The following TTLL5 variants were observed in gnomAD, a reference collection of about 807,000 sequenced individuals.
TTLL5 encodes the protein tubulin polyglutamylase TTLL5.
In TTLL5, 132 loss-of-function variants were observed where a neutral mutation model predicts 168.4. The ratio of observed to expected loss-of-function variants is 0.78; its 90% CI spans 0.68 to 0.91. The LOEUF is 0.91. Among genes scored for constraint, TTLL5 ranks in the 40% least tolerant of loss-of-function variants. The pLI is 0.00. For missense variants in TTLL5, 1,545 were observed against 1,581.5 expected (o/e 0.98, Z 0.39); for synonymous variants, 546 against 558.6 (o/e 0.98, Z 0.32).
At chr14:75,873,603 T>G (rs1034233358) in intron 29 of TTLL5, among the ~76,000 whole-genome samples, 1 of 152,360 alleles carries the variant, frequency 6.6e-6, no homozygotes, top group South Asian at 2.1e-4. Flanking sequence ...TAAGGCTGAA[T>G]AACATTTCAT....
At chr14:75,908,266 G>A (rs890619066) in intron 31 of TTLL5, among the ~76,000 whole-genome samples, 11 of 152,374 alleles carry the variant, frequency 7.2e-5, no homozygotes, top group Admixed American at 7.2e-4. Context: ...TGTCACTGCT[G>A]GGAAGCTGCA....
At chr14:75,749,754 T>C (rs1327516033) in intron 17 of TTLL5, among the ~76,000 whole-genome samples, 1 of 152,158 alleles carries the variant, frequency 6.6e-6, no homozygotes, top group Admixed American at 6.5e-5. Flanking sequence ...TTACATAGAA[T>C]GTGGGAGGTA....
In TTLL5 at chr14:75,766,267, T is replaced by C. The variant is rs1890965810; in HGVS notation, c.1914T>C (p.Arg638=). The C allele has an allele frequency of 3.7e-6, 6 of 1,614,064 alleles. No homozygotes were observed. Among genetic ancestry groups the C allele is most frequent in the Non-Finnish European group, 5.1e-6 (6 of 1,179,984 alleles). The change falls in exon 20 of 32, where the codon CGT becomes CGC. Residue 638 remains arginine (R), a synonymous_variant. Transcript: ENST00000298832. ...NTPKENSMKV[R]EWNNKGGHCC... ...CCAAAGAAAATTCCATGAAAGTTCG[T>C]GAATGGAATAATAAAGGTGGACACT...
intron 28 of TTLL5, among the ~76,000 whole-genome samples, chr14:75,830,453 C>G (rs1335214182): frequency 6.6e-6 from 1 of 152,154 alleles, no homozygotes; most frequent in Non-Finnish European, 1.5e-5. Context: ...TCTCAGCACA[C>G]ACAAAAATAT....
At chr14:75,811,591 C>T (rs538500162) in intron 27 of TTLL5, among the ~76,000 whole-genome samples, 2 of 152,252 alleles carry the variant, frequency 1.3e-5, no homozygotes, top group East Asian at 3.9e-4. Context: ...TCCAACATGG[C>T]TTGAGGGCAG....
At chr14:75,721,492 G>C (rs890980128) in intron 12 of TTLL5, among the ~76,000 whole-genome samples, 1 of 152,194 alleles carries the variant, frequency 6.6e-6, no homozygotes. Flanking sequence ...GAGTAATACA[G>C]GTAGTAAGGA....
At chr14:75,668,331 C>T (rs530988880) in intron 2 of TTLL5, among the ~76,000 whole-genome samples, 9 of 152,342 alleles carry the variant, frequency 5.9e-5, no homozygotes, top group Non-Finnish European at 1.0e-4. Context: ...TCATCCCTTA[C>T]TTAACCAGCT....
intron 20 of TTLL5, among the ~76,000 whole-genome samples, chr14:75,770,369 A>G (rs567345232): frequency 2.6e-5 from 4 of 152,186 alleles, no homozygotes; most frequent in South Asian, 2.1e-4. Flanking sequence ...CAATTCTCCA[A>G]CATACACATG....
At chr14:75,819,307 T>TC (rs1331831510) in intron 27 of TTLL5, among the ~76,000 whole-genome samples, 2 of 152,250 alleles carry the variant, frequency 1.3e-5, no homozygotes, top group African/African-American at 4.8e-5. Context: ...ATTCTACCAA[T>TC]TTATAGTCAC....
intron 15 of TTLL5, among the ~76,000 whole-genome samples, chr14:75,740,232 A>C (rs1889168790): frequency 6.6e-6 from 1 of 152,206 alleles, no homozygotes; most frequent in Admixed American, 6.5e-5. Context: ...CTAAAAATGA[A>C]ACTTTTAAAG....
intron 21 of TTLL5, among the ~76,000 whole-genome samples, chr14:75,772,260 CA>C (rs1378063705): frequency 6.6e-6 from 1 of 152,150 alleles, no homozygotes; most frequent in East Asian, 1.9e-4. Context: ...GAAGAGCAAA[CA>C]AAGACCTCGA....
chr14:75,863,934 A>AAAAAAAAAAAAAAG (rs869255321), intron 29 of TTLL5, 72 bp downstream of exon 29: 1 of 1,267,080 alleles, frequency 7.9e-7, no homozygotes, highest in African/African-American at 1.6e-5. Flanking sequence ...AAAAAAAAAA[A>AAAAAAAAAAAAAAG]GGTCAGTGAA....
intron 17 of TTLL5, among the ~76,000 whole-genome samples, chr14:75,746,124 A>G (rs1889592933): frequency 6.6e-6 from 1 of 152,178 alleles, no homozygotes; most frequent in Non-Finnish European, 1.5e-5. Flanking sequence ...GCCTTCTGAC[A>G]TTACAGTTTT....
chr14:75,790,945 A>G (rs1394509276), intron 26 of TTLL5, among the ~76,000 whole-genome samples: 4 of 149,924 alleles, frequency 2.7e-5, no homozygotes, highest in Non-Finnish European at 4.5e-5. Flanking sequence ...AAAAAAAAAA[A>G]AAAAAGAAAA....
At chr14:75,859,847 C>T (rs531910403) in intron 28 of TTLL5, among the ~76,000 whole-genome samples, 36 of 152,286 alleles carry the variant, frequency 2.4e-4, no homozygotes, top group Admixed American at 1.5e-3. Context: ...ATCATTATAG[C>T]ATTAGCATAC....
intron 7 of TTLL5, among the ~76,000 whole-genome samples, chr14:75,701,270 C>T (rs917830702): frequency 6.6e-6 from 1 of 152,036 alleles, no homozygotes; most frequent in African/African-American, 2.4e-5. Context: ...TTGTAAAGTT[C>T]TCTTCTGTCC....
At chr14:75,803,431 A>G (rs961934694) in intron 27 of TTLL5, among the ~76,000 whole-genome samples, 2 of 152,256 alleles carry the variant, frequency 1.3e-5, no homozygotes, top group Admixed American at 6.5e-5. Context: ...CCTAAAACAC[A>G]TAAAAATATC....
intron 31 of TTLL5, among the ~76,000 whole-genome samples, chr14:75,910,819 A>G (rs2033347830): frequency 6.6e-6 from 1 of 152,254 alleles, no homozygotes; most frequent in Non-Finnish European, 1.5e-5. Flanking sequence ...GTGATTATAA[A>G]GAAAAAGACT....
At chr14:75,870,901 T>C (rs559458586) in intron 29 of TTLL5, among the ~76,000 whole-genome samples, 8 of 151,778 alleles carry the variant, frequency 5.3e-5, no homozygotes, top group Non-Finnish European at 1.2e-4. Flanking sequence ...TTCACACCAT[T>C]CTCCTGCCTC....
Sources: allele counts gnomAD v4.1 joint callset (sites outside exome capture counted in the v4.1 genomes callset), GRCh38; gene constraint gnomAD v4.1.1; transcripts MANE v1.5; gene names NCBI Gene and HGNC (gene_info 2026-07-23, HGNC 2026-07-21).